Variants in PRDM2 observed in about 807,000 individuals in gnomAD.
PRDM2 encodes the protein PR domain zinc finger protein 2.
A neutral mutation model predicts 130.0 loss-of-function variants in PRDM2; 30 were observed. The ratio of observed to expected loss-of-function variants is 0.23; its 90% CI spans 0.17 to 0.31. The LOEUF (loss-of-function observed/expected upper bound fraction) is 0.31, where lower values mean the gene tolerates loss of function less well. Ranked by LOEUF, PRDM2 falls within the 10% of genes least tolerant of loss-of-function variation. The pLI, the probability that PRDM2 is intolerant of heterozygous loss-of-function variation, is 1.00. For synonymous variants in PRDM2, 871 were observed against 782.4 expected, an observed-to-expected ratio of 1.11 and a Z score of -1.89; for missense variants, 2,011 against 2,108.4, an observed-to-expected ratio of 0.95 and a Z score of 0.90.
At chr1:13,787,273 C>T in intron 8 of PRDM2, 2 of 983,296 alleles carry the variant, frequency 2.0e-6, no homozygotes, top group Non-Finnish European at 2.4e-6. Flanking sequence ...CATCCCAGGC[C>T]TGTACAGATG....
At chr1:13,756,503 A>T (rs1643957802) in intron 6 of PRDM2, among the ~76,000 whole-genome samples, 1 of 152,300 alleles carries the variant, frequency 6.6e-6, no homozygotes, top group Middle Eastern at 3.4e-3. Context: ...TTTTATTAAT[A>T]TTCCTAATTT....
At position 13,759,571 on chromosome 1, in the gene PRDM2, G is replaced by A. The variant is rs997317317; in HGVS notation, c.511+10084G>A. Among the ~76,000 whole-genome samples, 10 of 152,164 alleles carry A rather than the reference G, an allele frequency of 6.6e-5. 1 individual carries two copies. Among genetic ancestry groups the A allele is most frequent in the South Asian group, 6.2e-4 (3 of 4,822 alleles). ...TACTGGCCATAAGCAGAATGTCTAA[G>A]GGCCTGTGAGAAATGAGAGTTCCTA... On this transcript the variant is annotated intron_variant, in intron 6 of 9. Coordinates refer to ENST00000311066, the MANE Select transcript of PRDM2 (RefSeq NM_001393986.1).
rs1400805819 is a variant in PRDM2 at position 13,806,711 on chromosome 1, C to T, written c.5037-9716C>T. 6.6e-6 allele frequency among the ~76,000 whole-genome samples: 1 copy of T among 152,174 alleles called. No individual in the cohort carries two copies. Among genetic ancestry groups the T allele is most frequent in the Non-Finnish European group, 1.5e-5 (1 of 68,044 alleles). On this transcript the variant is annotated intron_variant, in intron 8 of 9. Coordinates refer to ENST00000311066, the MANE Select transcript of PRDM2 (RefSeq NM_001393986.1). The surrounding 1 kb of genome is among the most constrained non-coding windows in gnomAD (Gnocchi z 4.1). ...GTGGCAGTCACCTCCTTGCTGGTGT[C>T]CCCAGTTCCTTCCCTGTCAACCCAC... is the stretch of plus-strand genomic sequence containing the variant.
At chr1:13,809,232 G>A (rs933198687) in intron 8 of PRDM2, among the ~76,000 whole-genome samples, 1 of 152,188 alleles carries the variant, frequency 6.6e-6, no homozygotes, top group East Asian at 1.9e-4. Flanking sequence ...GGGGCGTGTC[G>A]TGGTCCGTTT....
intron 2 of PRDM2, among the ~76,000 whole-genome samples, chr1:13,728,644 T>C (rs533365432): frequency 7.5e-5 from 11 of 146,482 alleles, no homozygotes; most frequent in African/African-American, 2.7e-4. Flanking sequence ...GCTGGGTGTA[T>C]GAGTCCAAAA....
chr1:13,736,699 C>T (rs1019515274), intron 4 of PRDM2, among the ~76,000 whole-genome samples: 2 of 151,942 alleles, frequency 1.3e-5, no homozygotes, highest in Non-Finnish European at 2.9e-5. Flanking sequence ...AAGGACTGTA[C>T]TATTAATTAT....
chr1:13,789,981 T>C (rs563315648), intron 8 of PRDM2, among the ~76,000 whole-genome samples: 220 of 152,306 alleles, frequency 1.4e-3, no homozygotes, highest in African/African-American at 5.0e-3. Flanking sequence ...GTTGAGCGTA[T>C]GTTCGAGGGC....
At chr1:13,789,517 A>G (rs995401387) in intron 8 of PRDM2, among the ~76,000 whole-genome samples, 3 of 152,184 alleles carry the variant, frequency 2.0e-5, no homozygotes. Flanking sequence ...TCGCTGTCAC[A>G]GTTCCCCAGA....
chr1:13,773,705 C>G (rs1056514964), intron 7 of PRDM2: 1 of 152,088 alleles, frequency 6.6e-6, no homozygotes, highest in Non-Finnish European at 1.5e-5. Flanking sequence ...CAGGGCGAGA[C>G]TGTCTCTAAA....
At chr1:13,777,596 A>C (rs1644503755) in intron 7 of PRDM2, among the ~76,000 whole-genome samples, 2 of 133,738 alleles carry the variant, frequency 1.5e-5, no homozygotes, top group African/African-American at 2.8e-5. Flanking sequence ...GCGCTTATGC[A>C]TTTTGAGGGT....
chr1:13,748,717 T>C (rs1394708823), intron 5 of PRDM2, among the ~76,000 whole-genome samples: 1 of 152,218 alleles, frequency 6.6e-6, no homozygotes, highest in East Asian at 1.9e-4. Context: ...AGGAGCATAA[T>C]ACATGGGAGA....
intron 6 of PRDM2, among the ~76,000 whole-genome samples, chr1:13,767,790 C>G (rs1430346528): frequency 6.6e-6 from 1 of 151,910 alleles, no homozygotes; most frequent in Non-Finnish European, 1.5e-5. Flanking sequence ...GCCTGGACAA[C>G]AGCAAGATCT....
At chr1:13,798,339 G>A (rs538437472) in intron 8 of PRDM2, among the ~76,000 whole-genome samples, 8 of 152,284 alleles carry the variant, frequency 5.3e-5, no homozygotes, top group East Asian at 3.9e-4. Context: ...AAGAATGTCC[G>A]TTCATAGGTA....
chr1:13,751,429 T>C (rs555044095), intron 6 of PRDM2, among the ~76,000 whole-genome samples: 1 of 152,296 alleles, frequency 6.6e-6, no homozygotes, highest in East Asian at 1.9e-4. Flanking sequence ...AGACTTAAAC[T>C]TTGGAGAGTT....
chr1:13,701,073 G>A (rs1642060127), intron 1 of PRDM2, among the ~76,000 whole-genome samples: 2 of 152,268 alleles, frequency 1.3e-5, no homozygotes, highest in Middle Eastern at 3.4e-3. Flanking sequence ...GCTTTGTGTC[G>A]GGCTGTGAGC....
chr1:13,785,443 T>G (rs1365279122), intron 8 of PRDM2, among the ~76,000 whole-genome samples: 1 of 152,218 alleles, frequency 6.6e-6, no homozygotes, highest in African/African-American at 2.4e-5. Flanking sequence ...AATGCCACTT[T>G]CGGATTCCAC....
intron 6 of PRDM2, among the ~76,000 whole-genome samples, chr1:13,750,228 A>T (rs1244370101): frequency 6.6e-6 from 1 of 151,852 alleles, no homozygotes; most frequent in East Asian, 1.9e-4. Context: ...GCTGTATCAT[A>T]TTTCCAGTGG....
chr1:13,802,920 G>T (rs752013317), intron 8 of PRDM2, among the ~76,000 whole-genome samples: 4 of 152,230 alleles, frequency 2.6e-5, no homozygotes, highest in African/African-American at 9.6e-5. Context: ...GGCTGCAGGG[G>T]AGCGTGTGAT....
At chr1:13,757,441 G>A (rs1170647410) in intron 6 of PRDM2, among the ~76,000 whole-genome samples, 1 of 152,180 alleles carries the variant, frequency 6.6e-6, no homozygotes, top group African/African-American at 2.4e-5. Flanking sequence ...TCGAGTTTAG[G>A]ATTATAGAGC....
Sources: gnomAD v4.1 joint callset for allele counts (sites outside exome capture counted in the v4.1 genomes callset) on GRCh38, gnomAD v4.1.1 for gene constraint, Gnocchi (gnomAD v3.1) non-coding constraint, MANE v1.5 for transcripts, NCBI Gene and HGNC (gene_info 2026-07-23, HGNC 2026-07-21) for gene names.